LRP1B: variants seen among roughly 807,000 people sequenced by gnomAD.
The protein encoded by LRP1B is low-density lipoprotein receptor-related protein 1B.
A neutral mutation model predicts 556.6 loss-of-function variants in LRP1B; 217 were observed. That is an observed-to-expected ratio of 0.39 (90% CI 0.35 to 0.44). LRP1B has a LOEUF of 0.44. Among genes scored for constraint, LRP1B ranks in the 20% least tolerant of loss-of-function variants. The pLI is 1.00. For synonymous variants in LRP1B, 2,047 were observed against 1,865.8 expected (o/e 1.10, Z -2.50); for missense variants, 5,053 against 5,620.8 (o/e 0.90, Z 3.23).
chr2:140,761,973 T>G (rs370329246), intron 35 of LRP1B, among the ~76,000 whole-genome samples: 4 of 150,228 alleles, frequency 2.7e-5, no homozygotes, highest in African/African-American at 9.8e-5. Context: ...TGATGATAAC[T>G]ATGATGATGA....
chr2:141,534,904 A>T (rs1483138), intron 2 of LRP1B, among the ~76,000 whole-genome samples: 1 of 152,116 alleles, frequency 6.6e-6, no homozygotes, highest in Non-Finnish European at 1.5e-5. Flanking sequence ...GTTTCCCCCC[A>T]CTACTTCCTT....
intron 2 of LRP1B, among the ~76,000 whole-genome samples, chr2:141,710,547 G>A (rs1251459699): frequency 6.6e-6 from 1 of 152,234 alleles, no homozygotes; most frequent in African/African-American, 2.4e-5. Context: ...ATCACCTGTT[G>A]CTCTATCTAT....
At chr2:140,632,845 C>G (rs525848) in intron 41 of LRP1B, among the ~76,000 whole-genome samples, 1 of 151,982 alleles carries the variant, frequency 6.6e-6, no homozygotes, top group Non-Finnish European at 1.5e-5. Context: ...GCGTGGGTCA[C>G]GAGGTCAGGA....
At chr2:140,667,518 T>C (rs540658155) in intron 41 of LRP1B, among the ~76,000 whole-genome samples, 3 of 152,342 alleles carry the variant, frequency 2.0e-5, no homozygotes, top group African/African-American at 7.2e-5. Flanking sequence ...AAAATTCTGT[T>C]GCTCCTTCAA....
chr2:141,456,363 T>C (rs1043366181), intron 3 of LRP1B, among the ~76,000 whole-genome samples: 1 of 152,252 alleles, frequency 6.6e-6, no homozygotes, highest in Non-Finnish European at 1.5e-5. Context: ...ACTGTTATTT[T>C]GCATGAATCC....
At chr2:140,693,341 A>G (rs1226827801) in intron 41 of LRP1B, among the ~76,000 whole-genome samples, 1 of 152,078 alleles carries the variant, frequency 6.6e-6, no homozygotes, top group Non-Finnish European at 1.5e-5. Flanking sequence ...TTTTAGAAAC[A>G]GGGTCTCACT....
chr2:140,858,885 C>G (rs1361593771), intron 27 of LRP1B, among the ~76,000 whole-genome samples: 2 of 152,196 alleles, frequency 1.3e-5, no homozygotes, highest in African/African-American at 4.8e-5. Context: ...GCTTCCAGCT[C>G]CATCCATGTC....
intron 46 of LRP1B, among the ~76,000 whole-genome samples, chr2:140,535,693 T>C (rs1304052010): frequency 2.0e-5 from 3 of 152,134 alleles, no homozygotes; most frequent in Non-Finnish European, 4.4e-5. Context: ...TTTTTAAAAA[T>C]CTGGATCAAA....
chr2:140,737,628 A>G (rs766114578), intron 35 of LRP1B, among the ~76,000 whole-genome samples: 29 of 152,204 alleles, frequency 1.9e-4, no homozygotes, highest in Non-Finnish European at 3.4e-4. Flanking sequence ...CATCCCTGAA[A>G]TTATCCCCAC....
chr2:141,819,288 C>T (rs909601518), intron 1 of LRP1B, among the ~76,000 whole-genome samples: 7 of 151,878 alleles, frequency 4.6e-5, no homozygotes, highest in Admixed American at 4.6e-4. Context: ...TCCCAGTGAA[C>T]TTTTTCTTTC....
chr2:140,665,243 T>G (rs890966655), intron 41 of LRP1B, among the ~76,000 whole-genome samples: 1 of 152,206 alleles, frequency 6.6e-6, no homozygotes, highest in South Asian at 2.1e-4. Flanking sequence ...TGTCAAATAT[T>G]TTTTTCTCCT....
chr2:140,386,123 T>C (rs1683750939), intron 66 of LRP1B, 114 bp from the exon 67 acceptor site: 1 of 676,712 alleles, frequency 1.5e-6, no homozygotes, highest in Non-Finnish European at 2.6e-6. Context: ...ATTCAGTTAC[T>C]AAGAAGCATC....
chr2:140,792,033 G>T (rs1690138865), intron 32 of LRP1B, among the ~76,000 whole-genome samples: 1 of 152,092 alleles, frequency 6.6e-6, no homozygotes, highest in South Asian at 2.1e-4. Flanking sequence ...CTGACAGTAG[G>T]CACTGAGATG....
intron 2 of LRP1B, among the ~76,000 whole-genome samples, chr2:141,644,529 T>C (rs1354129526): frequency 1.3e-5 from 2 of 152,102 alleles, no homozygotes; most frequent in Non-Finnish European, 1.5e-5. Flanking sequence ...TTACTTTTTG[T>C]TTCTTAACAA....
At chr2:141,747,366 GT>G (rs1433415724) in intron 2 of LRP1B, among the ~76,000 whole-genome samples, 1 of 152,204 alleles carries the variant, frequency 6.6e-6, no homozygotes, top group Admixed American at 6.5e-5. Flanking sequence ...TAAAATGAAT[GT>G]TTTGGAAGAT....
intron 6 of LRP1B, among the ~76,000 whole-genome samples, chr2:141,224,741 C>T (rs1006474329): frequency 1.3e-5 from 2 of 151,954 alleles, no homozygotes; most frequent in Admixed American, 1.3e-4. Context: ...GAACCATGTT[C>T]TCACGTTCAA....
At chr2:141,938,102 A>G (rs1272926249) in intron 1 of LRP1B, among the ~76,000 whole-genome samples, 2 of 152,058 alleles carry the variant, frequency 1.3e-5, no homozygotes, top group Non-Finnish European at 2.9e-5. Flanking sequence ...GCAGCTTTGC[A>G]ACATAATTTA....
At chr2:140,305,431 G>C (rs1054282885) in intron 83 of LRP1B, among the ~76,000 whole-genome samples, 1 of 152,148 alleles carries the variant, frequency 6.6e-6, no homozygotes, top group African/African-American at 2.4e-5. Context: ...GTGAATGGGA[G>C]TTCACTCATG....
At chr2:141,518,977 AG>A (rs968969880) in intron 2 of LRP1B, among the ~76,000 whole-genome samples, 2 of 151,938 alleles carry the variant, frequency 1.3e-5, no homozygotes, top group Non-Finnish European at 2.9e-5. Flanking sequence ...AATAGGAGAG[AG>A]AAAGAGGATG....
Sources: allele counts gnomAD v4.1 joint callset (sites outside exome capture counted in the v4.1 genomes callset), GRCh38; gene constraint gnomAD v4.1.1; transcripts MANE v1.5; gene names NCBI Gene and HGNC (gene_info 2026-07-23, HGNC 2026-07-21).